TRRAP: variants seen among roughly 807,000 people sequenced by gnomAD.
The protein encoded by TRRAP is transformation/transcription domain-associated protein.
Under a neutral mutation model 438.8 loss-of-function variants are expected in TRRAP, and 41 were observed. That is an observed-to-expected ratio of 0.09 (90% CI 0.07 to 0.12). TRRAP has a LOEUF of 0.12. TRRAP is among the 10% of genes least tolerant of loss of function. The pLI is 1.00. For missense variants in TRRAP, 3,122 were observed against 5,055.1 expected (o/e 0.62, Z 11.60); for synonymous variants, 1,994 against 1,962.9 (o/e 1.02, Z -0.42).
In TRRAP at chr7:98,955,258, T is replaced by C; in HGVS notation, c.5891T>C (p.Val1964Ala). ...ATCATTGTGGAGGAGGGGCACACCG[T>C]CCCGCAGCTGGTCCACATTCTGCAC... ...RKIIVEEGHT[V>A]PQLVHILHLI... Residue 1964 changes from valine to alanine, a missense_variant, in exon 41 of 73, where the codon GTC becomes GCC. Around this residue, in one of 24 missense-constraint regions of TRRAP, gnomAD observed 35 missense variants for 104.9 expected, o/e 0.33. Coordinates refer to ENST00000456197, the MANE Select transcript of TRRAP (RefSeq NM_001375524.1). 2 of 1,614,104 alleles carry C rather than the reference T, an allele frequency of 1.2e-6. No individual in the cohort carries two copies. The highest frequency in any genetic ancestry group is 1.7e-6 in the Non-Finnish European group (2 of 1,179,976).
In TRRAP at chr7:98,988,573, A is replaced by G. The variant is rs533341660; in HGVS notation, c.9390-192A>G. Reference sequence around the variant, plus strand: ...ACAGAACCGGTCAATCCACAGAGACAGAAGGCAGACTGCAGGTTCCCAGGG... The same window carrying G: ...ACAGAACCGGTCAATCCACAGAGACGGAAGGCAGACTGCAGGTTCCCAGGG... On this transcript the variant is annotated intron_variant, in intron 62 of 72. Coordinates refer to ENST00000456197, the MANE Select transcript of TRRAP (RefSeq NM_001375524.1). 3.3e-5 allele frequency among the ~76,000 whole-genome samples: 5 copies of G among 152,328 alleles called. No individual in the cohort carries two copies. The South Asian group carries it at 1.0e-3, about 32-fold the overall frequency.
chr7:99,012,521 G>C lies in TRRAP; in HGVS notation c.*166G>C. On this transcript the variant is annotated 3_prime_UTR_variant, in exon 73 of 73. Transcript: ENST00000456197. The surrounding 1 kb of genome is among the most constrained non-coding windows in gnomAD (Gnocchi z 5.9). ...TTGCGTGTAAGAAAGGGAGAATATA[G>C]TTTTAGAGGAAGCTGAACTATGACG... is the stretch of plus-strand genomic sequence containing the variant. The C allele has an allele frequency of 1.2e-6, 1 of 854,128 alleles. No homozygotes were observed. 52.9% of individuals were successfully genotyped at this position (854,128 alleles called of 1,614,324 possible). A position where few individuals can be genotyped will look rare whatever the true frequency, so the allele number is the denominator to read the frequency against.
Position 98,915,667 on chromosome 7 carries a change from G to A in TRRAP, c.2200-56G>A. ...TTACAGTGACACTTTAGAGTCTGGA[G>A]GGTATAGACCCTCCTCATTTAGATG... On this transcript the variant is annotated intron_variant, in intron 18 of 72. Coordinates refer to ENST00000456197, the MANE Select transcript of TRRAP (RefSeq NM_001375524.1). 3 of 1,567,052 alleles carry A rather than the reference G, an allele frequency of 1.9e-6. No individual in the cohort carries two copies. The Admixed American group carries it at 5.4e-5, about 28-fold the overall frequency.
intron 51 of TRRAP, 86 bp from the exon 52 acceptor site, chr7:98,970,026 A>T: frequency 6.6e-7 from 1 of 1,510,908 alleles, no homozygotes; most frequent in Non-Finnish European, 9.0e-7. Context: ...GAGGTGCCTG[A>T]GTGAGGGGCA....
At chr7:98,985,067 A>G in intron 62 of TRRAP, 23 bp downstream of exon 62, 1 of 1,507,012 alleles carries the variant, frequency 6.6e-7, no homozygotes, top group East Asian at 2.3e-5. Flanking sequence ...TATTGAAAGG[A>G]TAAGAGAAAA....
At chr7:98,957,275 G>A (rs1346144769) in intron 43 of TRRAP, among the ~76,000 whole-genome samples, 5 of 152,052 alleles carry the variant, frequency 3.3e-5, no homozygotes, top group Admixed American at 2.0e-4. Context: ...TCTCTCTTTC[G>A]CTGTTCCTCT....
chr7:98,958,212 G>T lies in TRRAP; in HGVS notation c.6342+121G>T, dbSNP rs1320474840. On this transcript the variant is annotated intron_variant, in intron 44 of 72. Coordinates refer to ENST00000456197, the MANE Select transcript of TRRAP (RefSeq NM_001375524.1). ...GATACAGACAAACCAAGGTCTGCCA[G>T]CTGGTTCTGTCATTTTCGTATCAAC... is the stretch of plus-strand genomic sequence containing the variant. 3 of 808,458 alleles carry T rather than the reference G, an allele frequency of 3.7e-6. No individual in the cohort carries two copies. The African/African-American group carries it at 5.3e-5, about 14-fold the overall frequency. The allele number at this position is 808,458 out of a possible 1,614,324, so 50.1% of individuals were successfully genotyped here.
chr7:98,939,227 G>A (rs1235769665), intron 30 of TRRAP, among the ~76,000 whole-genome samples: 2 of 152,114 alleles, frequency 1.3e-5, no homozygotes, highest in African/African-American at 2.4e-5. Context: ...TATTTTTGGT[G>A]TACCTTTCCC....
chr7:98,904,483 C>CAAAAAAAAA (rs59353514), intron 12 of TRRAP, among the ~76,000 whole-genome samples: 26 of 45,578 alleles, frequency 5.7e-4, no homozygotes, highest in Middle Eastern at 0.013. Flanking sequence ...GACTCTGTCT[C>CAAAAAAAAA]AAAAAAAAAA....
intron 67 of TRRAP, among the ~76,000 whole-genome samples, chr7:99,003,397 C>T (rs1249090555): frequency 6.6e-6 from 1 of 152,334 alleles, no homozygotes. Flanking sequence ...TTGCCTTAGG[C>T]TCACTTTGAT....
chr7:98,929,914 C>T (rs1459137547), intron 23 of TRRAP, 75 bp from the exon 24 acceptor site: 1 of 1,509,640 alleles, frequency 6.6e-7, no homozygotes, highest in African/African-American at 1.4e-5. Flanking sequence ...TTTCTAACTT[C>T]AAGGAAAACA....
chr7:98,998,229 C>T (rs986743051), intron 67 of TRRAP, among the ~76,000 whole-genome samples: 4 of 152,170 alleles, frequency 2.6e-5, no homozygotes, highest in African/African-American at 9.7e-5. Flanking sequence ...TTCTCCTTAC[C>T]TAAAGCTTGG....
At chr7:98,891,865 TA>T (rs1231112752) in intron 4 of TRRAP, among the ~76,000 whole-genome samples, 2 of 152,284 alleles carry the variant, frequency 1.3e-5, no homozygotes, top group Non-Finnish European at 2.9e-5. Context: ...AAATAACTTT[TA>T]AAAAACGTTC....
chr7:98,981,995 T>G, intron 59 of TRRAP, 35 bp downstream of exon 59: 1 of 1,494,954 alleles, frequency 6.7e-7, no homozygotes, highest in South Asian at 1.3e-5. Context: ...CACAGGCCTG[T>G]GGCCTGTCGC....
intron 6 of TRRAP, among the ~76,000 whole-genome samples, chr7:98,894,727 C>G (rs1796122584): frequency 1.3e-5 from 2 of 149,554 alleles, no homozygotes; most frequent in Admixed American, 1.3e-4. Flanking sequence ...ATTCTCCTGT[C>G]TCAGCCTCCC....
At position 98,956,483 on chromosome 7, in the gene TRRAP, T is replaced by C; in HGVS notation, c.6181T>C (p.Ser2061Pro). 6.2e-7 allele frequency: 1 copy of C among 1,614,230 alleles called. No individual in the cohort carries two copies. Among genetic ancestry groups the C allele is most frequent in the Non-Finnish European group, 8.5e-7 (1 of 1,180,042 alleles). ...CATTAAGAGAGGCCTGTCCGTGGAT[T>C]CTGCCCAGGAAGTGAAACGCTTTAG... is the stretch of plus-strand genomic sequence containing the variant. ...SSIKRGLSVD[S>P]AQEVKRFRTA... The change falls in exon 43 of 73, where the codon TCT becomes CCT. Residue 2061 changes from serine (S) to proline (P), a missense_variant. Around this residue, in one of 24 missense-constraint regions of TRRAP, gnomAD observed 992 missense variants for 1,281.2 expected, o/e 0.77. Coordinates refer to ENST00000456197, the MANE Select transcript of TRRAP (RefSeq NM_001375524.1). The surrounding 1 kb of genome is among the most constrained non-coding windows in gnomAD (Gnocchi z 4.5).
chr7:98,931,360 G>A, intron 25 of TRRAP, 45 bp from the exon 26 acceptor site: 1 of 1,596,454 alleles, frequency 6.3e-7, no homozygotes, highest in Non-Finnish European at 8.5e-7. Flanking sequence ...AGTTGCAGTG[G>A]GTGGCATCGC....
At chr7:98,961,525 C>T (rs753369374) in intron 46 of TRRAP, 51 bp downstream of exon 46, 28 of 1,593,598 alleles carry the variant, frequency 1.8e-5, no homozygotes, top group South Asian at 1.4e-4. Flanking sequence ...ACGGTGGGCG[C>T]GGAGCTTGCT....
chr7:98,912,322 A>G, intron 18 of TRRAP, 109 bp downstream of exon 18: 1 of 1,179,394 alleles, frequency 8.5e-7, no homozygotes, highest in Non-Finnish European at 1.2e-6. Flanking sequence ...GACTCAAGCA[A>G]TCCACCTGCC....
Sources: gnomAD v4.1 joint callset for allele counts (sites outside exome capture counted in the v4.1 genomes callset) on GRCh38, gnomAD v4.1.1 for gene constraint, gnomAD v4.1.1 regional missense constraint, Gnocchi (gnomAD v3.1) non-coding constraint, MANE v1.5 for transcripts, NCBI Gene and HGNC (gene_info 2026-07-23, HGNC 2026-07-21) for gene names.